The following XRRA1 variants were observed in gnomAD, a reference collection of about 807,000 sequenced individuals.
XRRA1 encodes X-ray radiation resistance-associated protein 1.
Under a neutral mutation model 80.2 loss-of-function variants are expected in XRRA1, and 69 were observed. That is an observed-to-expected ratio of 0.86 (90% CI 0.71 to 1.05). The LOEUF is 1.05. XRRA1 is among the 50% of genes least tolerant of loss of function. The probability of loss-of-function intolerance (pLI) is 0.00; values close to 1 mark genes in which losing one functional copy is unlikely to be tolerated. For synonymous variants in XRRA1, 348 were observed against 389.9 expected, an observed-to-expected ratio of 0.89 and a Z score of 1.27; for missense variants, 967 against 976.4, an observed-to-expected ratio of 0.99 and a Z score of 0.13.
chr11:74,910,934 A>C (rs1266724402), intron 8 of XRRA1: 1 of 152,840 alleles, frequency 6.5e-6, no homozygotes, highest in African/African-American at 2.4e-5. Flanking sequence ...GGTGGGAAGA[A>C]GTGCCAGTCA....
At position 74,921,362 on chromosome 11, in the gene XRRA1, T is replaced by G; in HGVS notation, c.523-15A>C. On this transcript the variant is annotated splice_polypyrimidine_tract_variant and intron_variant, in intron 7 of 18. Transcript: ENST00000684022. ...AGGTCCAAGAACTGCCATGCAAAGA[T>G]GAAAGATGGGGAAGGTAAGCACTCT... is the stretch of plus-strand genomic sequence containing the variant. The G allele has an allele frequency of 6.2e-7, 1 of 1,613,702 alleles. No individual in the cohort carries two copies. The highest frequency in any genetic ancestry group is 8.5e-7 in the Non-Finnish European group (1 of 1,179,756).
At chr11:74,919,764 C>T (rs1309758781) in intron 8 of XRRA1, 1 of 451,196 alleles carries the variant, frequency 2.2e-6, no homozygotes, top group East Asian at 5.9e-5. Flanking sequence ...GATGGGAACT[C>T]TAGATGTGCA....
chr11:74,902,244 T>C (rs947764781), intron 10 of XRRA1, among the ~76,000 whole-genome samples: 1 of 152,218 alleles, frequency 6.6e-6, no homozygotes, highest in Non-Finnish European at 1.5e-5. Context: ...AAAATGGCTG[T>C]TATCCAAAAG....
At chr11:74,844,778 CTT>C (rs760542892) in intron 16 of XRRA1, among the ~76,000 whole-genome samples, 29 of 152,356 alleles carry the variant, frequency 1.9e-4, no homozygotes, top group Non-Finnish European at 3.1e-4. Context: ...ATTCATCACA[CTT>C]TTCCTGAGGA....
Position 74,940,705 on chromosome 11 carries a change from A to T in XRRA1, c.94+80T>A. The T allele has an allele frequency of 4.3e-6, 5 of 1,175,850 alleles. No homozygotes were observed. In the South Asian group the frequency reaches 5.4e-5, roughly 13 times the overall value. The allele number at this position is 1,175,850 out of a possible 1,614,324, so 72.8% of individuals were successfully genotyped here. Reference sequence around the variant, plus strand: ...CAGGGAACAGTAGTGAAGGGGTTGGAGAAGAACAAGTAGATGTGAGATGGT... The same window carrying T: ...CAGGGAACAGTAGTGAAGGGGTTGGTGAAGAACAAGTAGATGTGAGATGGT... On this transcript the variant is annotated intron_variant, in intron 3 of 18. Coordinates refer to ENST00000684022, the MANE Select transcript of XRRA1 (RefSeq NM_001378157.1).
intron 10 of XRRA1, among the ~76,000 whole-genome samples, chr11:74,865,590 G>A (rs573048481): frequency 5.3e-4 from 80 of 152,278 alleles, no homozygotes; most frequent in Admixed American, 1.8e-3. Flanking sequence ...GGTCCCTCTT[G>A]TTGCAGTCAA....
At chr11:74,942,461 G>A (rs1946513061) in intron 2 of XRRA1, among the ~76,000 whole-genome samples, 1 of 152,200 alleles carries the variant, frequency 6.6e-6, no homozygotes, top group Non-Finnish European at 1.5e-5. Context: ...TGCGAGATGG[G>A]TGAATATCAG....
At chr11:74,884,310 A>C (rs1298961254) in intron 10 of XRRA1, among the ~76,000 whole-genome samples, 1 of 152,226 alleles carries the variant, frequency 6.6e-6, no homozygotes, top group East Asian at 1.9e-4. Context: ...TGTCCAACAT[A>C]GAGGCTCCAT....
rs973670076 is a variant in XRRA1 at position 74,934,814 on chromosome 11, G to T, written c.280-942C>A. On this transcript the variant is annotated intron_variant, in intron 4 of 18. Coordinates refer to ENST00000684022, the MANE Select transcript of XRRA1 (RefSeq NM_001378157.1). ...AATAGAAAGCAGATTTTTAGCAGGG[G>T]GCTGATAGTAATTTTATAAAAATTG... Among the ~76,000 whole-genome samples the T allele has an allele frequency of 5.9e-5, 9 of 151,984 alleles. No individual in the cohort carries two copies. In the East Asian group the frequency reaches 1.5e-3, roughly 26 times the overall value.
At chr11:74,890,480 CAATT>C (rs1283542478) in intron 10 of XRRA1, among the ~76,000 whole-genome samples, 1 of 152,208 alleles carries the variant, frequency 6.6e-6, no homozygotes, top group African/African-American at 2.4e-5. Context: ...CCTAACATCA[CAATT>C]AAAAGAACTA....
chr11:74,857,282 G>C (rs529161406), intron 12 of XRRA1, among the ~76,000 whole-genome samples: 1 of 152,122 alleles, frequency 6.6e-6, no homozygotes, highest in African/African-American at 2.4e-5. Flanking sequence ...GATATAAATA[G>C]GTTGCAAGTA....
At chr11:74,909,562 T>A (rs1030715200) in intron 8 of XRRA1, among the ~76,000 whole-genome samples, 4 of 152,214 alleles carry the variant, frequency 2.6e-5, no homozygotes, top group African/African-American at 4.8e-5. Context: ...GAAAGTTTCA[T>A]TTTTTGTCTC....
intron 10 of XRRA1, among the ~76,000 whole-genome samples, chr11:74,886,655 A>C (rs2049105695): frequency 6.6e-6 from 1 of 152,224 alleles, no homozygotes; most frequent in Non-Finnish European, 1.5e-5. Context: ...CAATTTATAG[A>C]TTCAATGCTA....
At chr11:74,940,675 T>C in intron 3 of XRRA1, 110 bp downstream of exon 3, 3 of 862,000 alleles carry the variant, frequency 3.5e-6, no homozygotes, top group Non-Finnish European at 3.7e-6. Context: ...AAGGATTAGG[T>C]AGAGCAGGGA....
At chr11:74,945,465 C>A (rs1947314564) in intron 1 of XRRA1, among the ~76,000 whole-genome samples, 1 of 152,146 alleles carries the variant, frequency 6.6e-6, no homozygotes, top group Non-Finnish European at 1.5e-5. Flanking sequence ...AAGATATTTG[C>A]CATGCATATA....
chr11:74,893,404 G>C (rs1021139432), intron 10 of XRRA1, among the ~76,000 whole-genome samples: 5 of 150,834 alleles, frequency 3.3e-5, no homozygotes, highest in Non-Finnish European at 7.4e-5. Flanking sequence ...GGGGCCTGTT[G>C]TGGGGTGGGG....
intron 8 of XRRA1, 22 bp downstream of exon 8, chr11:74,921,192 G>A (rs779368287): frequency 1.2e-6 from 2 of 1,610,642 alleles, no homozygotes; most frequent in African/African-American, 1.3e-5. Context: ...ACACAGAATG[G>A]ACTCCAGGAG....
At chr11:74,912,881 A>G (rs2056216875) in intron 8 of XRRA1, among the ~76,000 whole-genome samples, 1 of 152,242 alleles carries the variant, frequency 6.6e-6, no homozygotes, top group Non-Finnish European at 1.5e-5. Flanking sequence ...GATATAGAAC[A>G]TTTCCAACAC....
chr11:74,918,522 A>G (rs765456391), intron 8 of XRRA1, among the ~76,000 whole-genome samples: 9 of 152,198 alleles, frequency 5.9e-5, no homozygotes, highest in Non-Finnish European at 1.2e-4. Context: ...GAGTTCCTTC[A>G]TGTTAGGTAA....
Sources: allele counts gnomAD v4.1 joint callset (sites outside exome capture counted in the v4.1 genomes callset), GRCh38; gene constraint gnomAD v4.1.1; transcripts MANE v1.5; gene names NCBI Gene and HGNC (gene_info 2026-07-23, HGNC 2026-07-21).